The following ATP5ME variants were observed in gnomAD, a reference collection of about 807,000 sequenced individuals.
ATP5ME encodes the protein ATP synthase membrane subunit e.
ATP5ME carries 10 observed loss-of-function variants against 11.6 expected under a neutral mutation model. The ratio of observed to expected loss-of-function variants is 0.86; its 90% CI spans 0.53 to 1.46. ATP5ME has a LOEUF of 1.46. Ranked by LOEUF, ATP5ME falls within the 40% of genes most tolerant of loss-of-function variation. The pLI, the probability that ATP5ME is intolerant of heterozygous loss-of-function variation, is 0.00. For missense variants in ATP5ME, 115 were observed against 85.4 expected (o/e 1.35, Z -1.37); for synonymous variants, 45 against 33.5 (o/e 1.34, Z -1.19).
intron 2 of ATP5ME, chr4:673,624 C>T (rs754739003): frequency 9.9e-6 from 8 of 808,620 alleles, no homozygotes; most frequent in Non-Finnish European, 1.5e-5. Flanking sequence ...GCTCACTCGT[C>T]CTCTGCGAAC....
In ATP5ME at chr4:674,193, G is replaced by C. The variant is rs1345794027; in HGVS notation, c.36+19C>G. Reference sequence around the variant, plus strand: ...GGGGGGCCCAGAGCACTGGGCGGCGGCTGCAAAGCCTGGATCACCTTGATG... The same window carrying C: ...GGGGGGCCCAGAGCACTGGGCGGCGCCTGCAAAGCCTGGATCACCTTGATG... On this transcript the variant is annotated intron_variant, in intron 1 of 3. Coordinates refer to ENST00000304312, the MANE Select transcript of ATP5ME (RefSeq NM_007100.4). 1.2e-6 allele frequency: 2 copies of C among 1,610,286 alleles called. No individual in the cohort carries two copies. The highest frequency in any genetic ancestry group is 1.7e-6 in the Non-Finnish European group (2 of 1,178,796).
In ATP5ME at chr4:673,925, T is replaced by C; in HGVS notation, c.78A>G (p.Gly26=). The change falls in exon 2 of 4, where the codon GGA becomes GGG. Residue 26 remains glycine, a synonymous_variant. Transcript: ENST00000304312. ...GCGGTCACTCACTGTAGCGCGTGGC[T>C]CCGTAGGCCACACCGAGGAACAGGG... ...YSALFLGVAY[G]ATRYNYLKPR... is the part of the protein sequence containing the mutation. 6.5e-7 allele frequency: 1 copy of C among 1,546,004 alleles called. No homozygotes were observed. The highest frequency in any genetic ancestry group is 1.2e-5 in the South Asian group (1 of 84,034).
chr4:674,169 G>C (rs1263993278), intron 1 of ATP5ME, 43 bp downstream of exon 1: 3 of 1,601,998 alleles, frequency 1.9e-6, no homozygotes, highest in Non-Finnish European at 2.6e-6. Context: ...CGGGACACGG[G>C]GGGGCCCAGA....
intron 3 of ATP5ME, 95 bp from the exon 4 acceptor site, chr4:672,614 T>C: frequency 7.2e-7 from 1 of 1,398,378 alleles, no homozygotes; most frequent in South Asian, 1.3e-5. Flanking sequence ...TTTTTTTTTT[T>C]TTGTTTTGAG....
rs767660093 is a variant in ATP5ME at position 673,278 on chromosome 4, CTA to C, written c.190+23_190+24del. ...CCTGCACAAACCTGGGAGGGACAAT[CTA>C]TAAGAGCCAGTGTCACTCGTACCTT... On this transcript the variant is annotated intron_variant, in intron 3 of 3. Transcript: ENST00000304312. The C allele has an allele frequency of 2.3e-5, 37 of 1,614,160 alleles. No individual in the cohort carries two copies. The Admixed American group carries it at 4.8e-4, about 21-fold the overall frequency.
rs1738572579 is a variant in ATP5ME, at chr4:672,602, T to TA, written c.191-84_191-83insT. ...CCACTTCAGCTTCCCAGTTATTTTT[T>TA]TTTTTTTTTTTTTTGTTTTGAGACG... On this transcript the variant is annotated intron_variant, in intron 3 of 3. Coordinates refer to ENST00000304312, the MANE Select transcript of ATP5ME (RefSeq NM_007100.4). 5.8e-6 allele frequency: 8 copies of TA among 1,389,380 alleles called. No homozygotes were observed. In the African/African-American group the frequency reaches 7.3e-5, roughly 13 times the overall value. 86.1% of individuals were successfully genotyped at this position (1,389,380 alleles called of 1,614,324 possible). A position where few individuals can be genotyped will look rare whatever the true frequency, so the allele number is the denominator to read the frequency against.
intron 2 of ATP5ME, chr4:673,670 C>T: frequency 1.3e-6 from 1 of 757,294 alleles, no homozygotes; most frequent in Non-Finnish European, 2.1e-6. Context: ...AGCACTCGAA[C>T]AGCCATTTAG....
At chr4:673,512 G>T in intron 2 of ATP5ME, 111 bp from the exon 3 acceptor site, 1 of 1,553,646 alleles carries the variant, frequency 6.4e-7, no homozygotes, top group South Asian at 1.1e-5. Context: ...CGCACCTGCT[G>T]TTCCCGCTCT....
chr4:673,909 C>G lies in ATP5ME; in HGVS notation c.91+3G>C. ...CGCCCCGGCCCCGCCCGCGGTCACT[C>G]ACTGTAGCGCGTGGCTCCGTAGGCC... On this transcript the variant is annotated splice_donor_region_variant and intron_variant, in intron 2 of 3. Coordinates refer to ENST00000304312, the MANE Select transcript of ATP5ME (RefSeq NM_007100.4). 2 of 1,546,166 alleles carry G rather than the reference C, an allele frequency of 1.3e-6. No homozygotes were observed. The highest frequency in any genetic ancestry group is 1.7e-6 in the Non-Finnish European group (2 of 1,146,860).
At position 674,197 on chromosome 4, in the gene ATP5ME, C is replaced by T. The variant is rs367668699; in HGVS notation, c.36+15G>A. The T allele has an allele frequency of 2.5e-5, 41 of 1,610,732 alleles. No homozygotes were observed. Among genetic ancestry groups the T allele is most frequent in the African/African-American group, 4.0e-5 (3 of 74,762 alleles). ...GGCCCAGAGCACTGGGCGGCGGCTG[C>T]AAAGCCTGGATCACCTTGATGAGCG... is the stretch of plus-strand genomic sequence containing the variant. On this transcript the variant is annotated intron_variant, in intron 1 of 3. Transcript: ENST00000304312.
Position 672,466 on chromosome 4 carries a change from C to T in ATP5ME, c.*34G>A, listed in dbSNP as rs138048392. The T allele has an allele frequency of 5.2e-3, 8,342 of 1,613,572 alleles. 57 individuals carry two copies. Among genetic ancestry groups the T allele is most frequent in the Non-Finnish European group, 4.7e-3 (5,497 of 1,179,746 alleles). On this transcript the variant is annotated 3_prime_UTR_variant, in exon 4 of 4. Coordinates refer to ENST00000304312, the MANE Select transcript of ATP5ME (RefSeq NM_007100.4). ...CACAACACAGGAAGCTTTATTCATC[C>T]GCTGCTGGTCCAAAGAGTGGGTCGC...
intron 2 of ATP5ME, 185 bp from the exon 3 acceptor site, chr4:673,586 C>G: frequency 9.8e-7 from 1 of 1,022,674 alleles, no homozygotes; most frequent in Admixed American, 2.5e-5. Flanking sequence ...GGCTACAGGG[C>G]CCCTGCTGCC....
chr4:674,204 T>C lies in ATP5ME; in HGVS notation c.36+8A>G. The stretch of plus-strand genomic sequence containing the variant: ...AGCACTGGGCGGCGGCTGCAAAGCC[T>C]GGATCACCTTGATGAGCGGAGAGAC... On this transcript the variant is annotated splice_region_variant and intron_variant, in intron 1 of 3. Transcript: ENST00000304312. 1.9e-6 allele frequency: 3 copies of C among 1,611,284 alleles called. No homozygotes were observed. Among genetic ancestry groups the C allele is most frequent in the Non-Finnish European group, 1.7e-6 (2 of 1,179,170 alleles).
At chr4:673,529 T>G in intron 2 of ATP5ME, 128 bp from the exon 3 acceptor site, 9 of 1,492,850 alleles carry the variant, frequency 6.0e-6, no homozygotes, top group African/African-American at 1.4e-5. Flanking sequence ...CTCTTTATGT[T>G]AATGCGAGTC....
At position 672,506 on chromosome 4, in the gene ATP5ME, TA is replaced by T; in HGVS notation, c.203del (p.Leu68Ter). 6.2e-7 allele frequency: 1 copy of T among 1,614,068 alleles called. No individual in the cohort carries two copies. Among genetic ancestry groups the T allele is most frequent in the Non-Finnish European group, 8.5e-7 (1 of 1,179,996 alleles). On this transcript the variant is annotated frameshift_variant, in exon 4 of 4. Transcript: ENST00000304312. LOFTEE classifies it high-confidence loss of function. ...ARELAEDDSI[L>X]K Reference sequence around the variant, plus strand: ...GAGTGGGTCGCAGGGTCACTCACTTTAATATGCTGTCATCTTGGGCCGGAAG... The same window carrying T: ...GAGTGGGTCGCAGGGTCACTCACTTTATATGCTGTCATCTTGGGCCGGAAG...
rs1738673432 is a variant in ATP5ME at position 674,232 on chromosome 4, G to C, written c.16C>G (p.Gln6Glu). 3 of 1,611,822 alleles carry C rather than the reference G, an allele frequency of 1.9e-6. No homozygotes were observed. The African/African-American group carries it at 4.0e-5, about 22-fold the overall frequency. Residue 6 changes from glutamine (Q) to glutamate (E), a missense_variant, in exon 1 of 4, where the codon CAG (glutamine) becomes GAG (glutamate). Coordinates refer to ENST00000304312, the MANE Select transcript of ATP5ME (RefSeq NM_007100.4). ...ATCACCTTGATGAGCGGAGAGACCT[G>C]CACCGGTGGCACCATCTTGTCCCTG... MVPPV[Q>E]VSPLIKLGRY...
rs752469254 is a variant in ATP5ME, at chr4:673,886, C to T, written c.91+26G>A. 4 of 1,545,156 alleles carry T rather than the reference C, an allele frequency of 2.6e-6. No homozygotes were observed. In the African/African-American group the frequency reaches 5.5e-5, roughly 21 times the overall value. ...CCACAGGAAAGCCGAGCAGACCCCG[C>T]CCCGGCCCCGCCCGCGGTCACTCAC... On this transcript the variant is annotated intron_variant, in intron 2 of 3. Coordinates refer to ENST00000304312, the MANE Select transcript of ATP5ME (RefSeq NM_007100.4).
chr4:673,469 G>C (rs538916070), intron 2 of ATP5ME, 68 bp from the exon 3 acceptor site: 3 of 1,609,788 alleles, frequency 1.9e-6, no homozygotes, highest in African/African-American at 2.7e-5. Context: ...GAGTCCACAG[G>C]TCAAGGTATC....
Position 674,005 on chromosome 4 carries a change from CTCGCGGGACGGGGG to C in ATP5ME, c.37-53_37-40del, listed in dbSNP as rs771771400. 2.3e-4 allele frequency: 350 copies of C among 1,538,584 alleles called. 1 individual carries two copies. The African/African-American group carries it at 4.4e-3, about 19-fold the overall frequency. ...TGGTCAGAGGCGGCGCGAAACGGGGCTCGCGGGACGGGGGTCGCGGGAGGAGGGGGGGCGGGGTC... is the reference window on the plus strand; with the variant it reads ...TGGTCAGAGGCGGCGCGAAACGGGGCTCGCGGGAGGAGGGGGGGCGGGGTC... On this transcript the variant is annotated intron_variant, in intron 1 of 3. Coordinates refer to ENST00000304312, the MANE Select transcript of ATP5ME (RefSeq NM_007100.4).
Sources: allele counts gnomAD v4.1 joint callset, GRCh38; gene constraint gnomAD v4.1.1; transcripts MANE v1.5; gene names NCBI Gene and HGNC (gene_info 2026-07-23, HGNC 2026-07-21).